LAMA5: variants seen among roughly 807,000 people sequenced by gnomAD.
LAMA5 encodes the protein laminin subunit alpha 5.
In LAMA5, 260 loss-of-function variants were observed where a neutral mutation model predicts 433.4. The observed-to-expected ratio is 0.60, with a 90% CI of 0.54 to 0.66. The LOEUF is 0.66. Ranked by LOEUF, LAMA5 falls within the 30% of genes least tolerant of loss-of-function variation. The probability of loss-of-function intolerance (pLI) is 0.00; values close to 1 mark genes in which losing one functional copy is unlikely to be tolerated. For missense variants in LAMA5, 5,378 were observed against 5,258.5 expected, an observed-to-expected ratio of 1.02 and a Z score of -0.70; for synonymous variants, 2,620 against 2,226.6, an observed-to-expected ratio of 1.18 and a Z score of -4.97.
At position 62,316,880 on chromosome 20, in the gene LAMA5, A is replaced by G; in HGVS notation, c.7653+2T>C. The G allele has an allele frequency of 6.5e-7, 1 of 1,529,764 alleles. No homozygotes were observed. The highest frequency in any genetic ancestry group is 8.8e-7 in the Non-Finnish European group (1 of 1,137,602). The allele number at this position is 1,529,764 out of a possible 1,614,324, so 94.8% of individuals were successfully genotyped here. ...GGGCTGAGGGGAAGTGAGGGGCCTC[A>G]CCGCCCACGTGTGGTCCGCCTGCTG... is the stretch of plus-strand genomic sequence containing the variant. On this transcript the variant is annotated splice_donor_variant, in intron 56 of 79. Transcript: ENST00000252999. LOFTEE classifies it high-confidence loss of function.
At chr20:62,317,145 CTT>C in intron 55 of LAMA5, 122 bp from the exon 56 acceptor site, 3 of 1,270,414 alleles carry the variant, frequency 2.4e-6, no homozygotes, top group Non-Finnish European at 2.1e-6. Flanking sequence ...GCCTCCAGGT[CTT>C]TGCCCGTGCC....
At chr20:62,339,230 T>G (rs1982191980) in intron 11 of LAMA5, among the ~76,000 whole-genome samples, 1 of 119,640 alleles carries the variant, frequency 8.4e-6, no homozygotes, top group Non-Finnish European at 1.7e-5. Context: ...AATTATAGTT[T>G]CTTTTTTTTT....
chr20:62,325,462 T>A lies in LAMA5; in HGVS notation c.5383A>T (p.Ile1795Phe). 6.2e-7 allele frequency: 1 copy of A among 1,612,576 alleles called. No homozygotes were observed. Among genetic ancestry groups the A allele is most frequent in the African/African-American group, 1.3e-5 (1 of 75,010 alleles). ...MVLASLEQLQ[I>F]RALFSQISSA... ...GAGATCTGTGAGAAGAGGGCACGGATCTGCAGCTGCTCCAGGCTGGCCAGC... is the reference window on the plus strand; with the variant it reads ...GAGATCTGTGAGAAGAGGGCACGGAACTGCAGCTGCTCCAGGCTGGCCAGC... Residue 1795 changes from isoleucine (I) to phenylalanine (F), a missense_variant, in exon 41 of 80, where the codon ATC becomes TTC. Coordinates refer to ENST00000252999, the MANE Select transcript of LAMA5 (RefSeq NM_005560.6).
In LAMA5 at chr20:62,312,391, G is replaced by GC; in HGVS notation, c.9360+8dup. 1.3e-6 allele frequency: 2 copies of GC among 1,599,098 alleles called. No homozygotes were observed. The highest frequency in any genetic ancestry group is 1.7e-6 in the Non-Finnish European group (2 of 1,179,152). ...AGATGCCACCCCCAGCCCGGGGAGG[G>GC]CTGCTCACCAGCAGGTCGGCGGTGC... On this transcript the variant is annotated intron_variant, in intron 68 of 79. Coordinates refer to ENST00000252999, the MANE Select transcript of LAMA5 (RefSeq NM_005560.6).
At position 62,311,528 on chromosome 20, in the gene LAMA5, C is replaced by T. The variant is rs1404566691; in HGVS notation, c.9815G>A (p.Gly3272Asp). 6.2e-7 allele frequency: 1 copy of T among 1,609,714 alleles called. No individual in the cohort carries two copies. The highest frequency in any genetic ancestry group is 2.2e-5 in the East Asian group (1 of 44,782). Residue 3272 changes from glycine to aspartate, a missense_variant, in exon 72 of 80, where the codon GGC becomes GAC. Coordinates refer to ENST00000252999, the MANE Select transcript of LAMA5 (RefSeq NM_005560.6). ...ISNVFVQRLL[G>D]PQRVFDLQQN... Reference sequence around the variant, plus strand: ...CTGCAGATCAAATACGCGCTGTGGGCCCAGGAGCCTGTGCAGGGCGGGCAG... The same window carrying T: ...CTGCAGATCAAATACGCGCTGTGGGTCCAGGAGCCTGTGCAGGGCGGGCAG...
chr20:62,319,606 C>G, intron 51 of LAMA5, 78 bp downstream of exon 51: 1 of 1,030,136 alleles, frequency 9.7e-7, no homozygotes. Flanking sequence ...CCAGGCCAAG[C>G]TCGGCCAGGC....
chr20:62,340,567 T>A (rs1446920908), intron 11 of LAMA5, among the ~76,000 whole-genome samples: 1 of 151,162 alleles, frequency 6.6e-6, no homozygotes, highest in Non-Finnish European at 1.5e-5. Context: ...CACCTCAGCC[T>A]CCCAAAGTGC....
rs1223376873 is a variant in LAMA5 at position 62,327,631 on chromosome 20, A to G, written c.4836T>C (p.Leu1612=). The part of the protein sequence containing the change: ...VQGPKCDQCS[L]GTFSLDAANP... Reference sequence around the variant, plus strand: ...TGGCAGCATCCAGTGAGAAGGTCCCAAGGCTGCACTGGTCACATTTGGGGC... The same window carrying G: ...TGGCAGCATCCAGTGAGAAGGTCCCGAGGCTGCACTGGTCACATTTGGGGC... Residue 1612 remains leucine (L), a synonymous_variant, in exon 37 of 80, where the codon CTT becomes CTC. Transcript: ENST00000252999. The G allele has an allele frequency of 6.2e-7, 1 of 1,613,144 alleles. No individual in the cohort carries two copies. Among genetic ancestry groups the G allele is most frequent in the East Asian group, 2.2e-5 (1 of 44,868 alleles).
At position 62,310,938 on chromosome 20, in the gene LAMA5, C is replaced by G. The variant is rs1359824181; in HGVS notation, c.10245G>C (p.Gln3415His). ...GGCCAGGCCGGGAGCGCTGGCGGCT[C>G]TGGGCGCGGAGCCGAGTCCCGAGGC... ...MEGLGTRLRAQSRQRSRPGRW... is the reference protein window; with the variant it reads ...MEGLGTRLRAHSRQRSRPGRW... The change falls in exon 74 of 80, where the codon CAG becomes CAC. Residue 3415 changes from glutamine to histidine, a missense_variant. Gln to His is a conservative substitution (Grantham distance 24, BLOSUM62 0). Coordinates refer to ENST00000252999, the MANE Select transcript of LAMA5 (RefSeq NM_005560.6). 108 of 1,611,012 alleles carry G rather than the reference C, an allele frequency of 6.7e-5. No individual in the cohort carries two copies. Among genetic ancestry groups the G allele is most frequent in the Non-Finnish European group, 8.9e-5 (105 of 1,179,518 alleles).
chr20:62,338,174 G>A (rs777214805), intron 13 of LAMA5, 24 bp from the exon 14 acceptor site: 50 of 1,568,414 alleles, frequency 3.2e-5, no homozygotes, highest in Non-Finnish European at 3.9e-5. Flanking sequence ...CGGGTGTCAC[G>A]GTAGGCCAGG....
chr20:62,316,031 G>A lies in LAMA5; in HGVS notation c.7784C>T (p.Thr2595Ile), dbSNP rs759144745. 1.2e-6 allele frequency: 2 copies of A among 1,609,342 alleles called. No homozygotes were observed. The highest frequency in any genetic ancestry group is 2.2e-5 in the East Asian group (1 of 44,842). The part of the protein sequence containing the change: ...LVWAALQGAR[T>I]QLRDVRAKKD... The stretch of plus-strand genomic sequence containing the variant: ...CTTGGCCCGGACATCTCGGAGCTGG[G>A]TCCTGGCACCCTGGAGGGCAGCCCA... The change falls in exon 58 of 80, where the codon ACC (threonine) becomes ATC (isoleucine). Residue 2595 changes from threonine to isoleucine, a missense_variant. Transcript: ENST00000252999.
At position 62,346,666 on chromosome 20, in the gene LAMA5, C is replaced by T; in HGVS notation, c.1191+16G>A. On this transcript the variant is annotated intron_variant, in intron 8 of 79. Transcript: ENST00000252999. ...CCTCAGGGCCAGCCCATTCCCAGCC[C>T]TCTAGCCCAGCCCACCTGGCAGTCG... is the stretch of plus-strand genomic sequence containing the variant. The T allele has an allele frequency of 6.2e-7, 1 of 1,612,148 alleles. No homozygotes were observed. The highest frequency in any genetic ancestry group is 8.5e-7 in the Non-Finnish European group (1 of 1,178,916).
Position 62,327,985 on chromosome 20 carries a change from G to C in LAMA5, c.4678C>G (p.Arg1560Gly), listed in dbSNP as rs80097864. 1.2e-6 allele frequency: 2 copies of C among 1,611,982 alleles called. No homozygotes were observed. The highest frequency in any genetic ancestry group is 1.7e-6 in the Non-Finnish European group (2 of 1,179,870). Residue 1560 changes from arginine to glycine, a missense_variant, in exon 36 of 80, where the codon CGC becomes GGC. Coordinates refer to ENST00000252999, the MANE Select transcript of LAMA5 (RefSeq NM_005560.6). ...AAGCCCGGAGAGCAGGTATCACAGC[G>C]GCGCCCAGTCACGTTGGGTCTGCAC... ...CKCRPNVTGR[R>G]CDTCSPGFHG...
At chr20:62,325,171 C>T in intron 41 of LAMA5, 145 bp downstream of exon 41, 1 of 585,386 alleles carries the variant, frequency 1.7e-6, no homozygotes, top group Non-Finnish European at 2.9e-6. Flanking sequence ...AGTTGGCCAG[C>T]AGCCTGTGAA....
At position 62,313,374 on chromosome 20, in the gene LAMA5, G is replaced by C; in HGVS notation, c.8745C>G (p.Phe2915Leu). ...LNEEVVSLYN[F>L]ERTFQLDTAV... ...CCGTGTCCAGCTGGAAGGTCCTCTC[G>C]AAGTTGTAGAGGCTGACCACCTCCT... Residue 2915 changes from phenylalanine to leucine, a missense_variant, in exon 64 of 80, where the codon TTC becomes TTG. Coordinates refer to ENST00000252999, the MANE Select transcript of LAMA5 (RefSeq NM_005560.6). 6.3e-7 allele frequency: 1 copy of C among 1,594,264 alleles called. No individual in the cohort carries two copies.
chr20:62,316,682 C>T lies in LAMA5; in HGVS notation c.7745G>A (p.Arg2582Lys). 2 of 1,599,400 alleles carry T rather than the reference C, an allele frequency of 1.3e-6. No homozygotes were observed. Among genetic ancestry groups the T allele is most frequent in the Non-Finnish European group, 1.7e-6 (2 of 1,170,958 alleles). Residue 2582 changes from arginine (R) to lysine (K), a missense_variant, in exon 57 of 80, where the codon AGG becomes AAG. Arg to Lys is a conservative substitution (Grantham distance 26). Transcript: ENST00000252999. ...LEEAMLQEQQ[R>K]LGLVWAALQG... The stretch of plus-strand genomic sequence containing the variant: ...AGCCCAGCACTCACCAAGGCCCAGC[C>T]TCTGCTGTTCCTGGAGCATGGCCTC...
chr20:62,335,749 C>T, intron 18 of LAMA5, among the ~76,000 whole-genome samples: 1 of 147,560 alleles, frequency 6.8e-6, no homozygotes, highest in South Asian at 2.2e-4. Context: ...AAACCCCGTA[C>T]CCCAACACTC....
In LAMA5 at chr20:62,323,481, G is replaced by A. The variant is rs376871508; in HGVS notation, c.6039C>T (p.Asn2013=). ...GGGTGCAGTTGCCGGGCAGCAGGGC[G>A]TTGCCGTAGAAGCCGGGGGCACAGA... ...CEICAPGFYG[N]ALLPGNCTRC... is the part of the protein sequence containing the mutation. Residue 2013 remains asparagine, a synonymous_variant, in exon 45 of 80, where the codon AAC becomes AAT. Coordinates refer to ENST00000252999, the MANE Select transcript of LAMA5 (RefSeq NM_005560.6). 2.9e-5 allele frequency: 45 copies of A among 1,547,534 alleles called. No homozygotes were observed. Among genetic ancestry groups the A allele is most frequent in the Middle Eastern group, 1.7e-4 (1 of 5,738 alleles).
In LAMA5 at chr20:62,314,377, C is replaced by G; in HGVS notation, c.8431G>C (p.Gly2811Arg). Residue 2811 changes from glycine to arginine, a missense_variant, in exon 62 of 80, where the codon GGT becomes CGT. Coordinates refer to ENST00000252999, the MANE Select transcript of LAMA5 (RefSeq NM_005560.6). ...CTTAGGACTGCAGGGCCCGCCTCAC[C>G]CAGCTGATACACCCAGTGCACCTTC... ...DKKVHWVYQL[G>R]EAGPAVLSID... 6.2e-7 allele frequency: 1 copy of G among 1,613,490 alleles called. No individual in the cohort carries two copies. Among genetic ancestry groups the G allele is most frequent in the Non-Finnish European group, 8.5e-7 (1 of 1,179,942 alleles).
Sources: allele counts gnomAD v4.1 joint callset (sites outside exome capture counted in the v4.1 genomes callset), GRCh38; gene constraint gnomAD v4.1.1; transcripts MANE v1.5; gene names NCBI Gene and HGNC (gene_info 2026-07-23, HGNC 2026-07-21).